FMN1: variants seen among roughly 807,000 people sequenced by gnomAD.
FMN1 encodes the protein formin-1.
FMN1 carries 110 observed loss-of-function variants against 132.4 expected under a neutral mutation model. That is an observed-to-expected ratio of 0.83 (90% CI 0.71 to 0.97). The LOEUF (loss-of-function observed/expected upper bound fraction) is 0.97, where lower values mean the gene tolerates loss of function less well. Among genes scored for constraint, FMN1 ranks in the 50% least tolerant of loss-of-function variants. The probability of loss-of-function intolerance (pLI) is 0.00; values close to 1 mark genes in which losing one functional copy is unlikely to be tolerated. For synonymous variants in FMN1, 722 were observed against 651.7 expected (o/e 1.11, Z -1.64); for missense variants, 1,792 against 1,705.3 (o/e 1.05, Z -0.90).
At chr15:33,097,367 G>C (rs2039128555) in intron 4 of FMN1, among the ~76,000 whole-genome samples, 3 of 150,280 alleles carry the variant, frequency 2.0e-5, no homozygotes. Flanking sequence ...ACTTAAAGAA[G>C]TATTGGCTTC....
intron 7 of FMN1, among the ~76,000 whole-genome samples, chr15:32,983,594 A>AGT (rs2032851695): frequency 6.6e-6 from 1 of 152,248 alleles, no homozygotes; most frequent in Non-Finnish European, 1.5e-5. Flanking sequence ...TTGTAAAATA[A>AGT]GTGAACACTA....
At chr15:32,941,111 T>C (rs1353512553) in intron 9 of FMN1, among the ~76,000 whole-genome samples, 1 of 152,094 alleles carries the variant, frequency 6.6e-6, no homozygotes, top group Non-Finnish European at 1.5e-5. Flanking sequence ...ATAATATGAA[T>C]GTCAAAATAA....
intron 7 of FMN1, among the ~76,000 whole-genome samples, chr15:32,992,264 C>T (rs2033480237): frequency 6.6e-6 from 1 of 152,138 alleles, no homozygotes; most frequent in Non-Finnish European, 1.5e-5. Flanking sequence ...AATAATGGTC[C>T]TGTATTGTAT....
intron 4 of FMN1, among the ~76,000 whole-genome samples, chr15:33,095,345 C>CA (rs34796141): frequency 0.018 from 2,727 of 150,442 alleles, 36 homozygotes; most frequent in Middle Eastern, 0.027. Flanking sequence ...AAGACTGTCT[C>CA]AAAAAAAACA....
intron 4 of FMN1, among the ~76,000 whole-genome samples, chr15:33,125,608 G>A (rs1415012471): frequency 1.3e-5 from 2 of 152,110 alleles, no homozygotes. Flanking sequence ...GGAAGGCCAA[G>A]GCGGGCAGAT....
chr15:32,961,087 T>TGA (rs1446940805), intron 9 of FMN1, among the ~76,000 whole-genome samples: 1 of 150,518 alleles, frequency 6.6e-6, no homozygotes, highest in African/African-American at 2.4e-5. Flanking sequence ...TGCTTAGATG[T>TGA]GAATTTCACA....
intron 6 of FMN1, among the ~76,000 whole-genome samples, chr15:33,032,849 T>A (rs1566847688): frequency 1.3e-5 from 2 of 152,062 alleles, no homozygotes; most frequent in African/African-American, 4.8e-5. Context: ...CTGGGGGGGT[T>A]ATTTTACTAC....
intron 10 of FMN1, among the ~76,000 whole-genome samples, chr15:32,922,968 T>C (rs1294146051): frequency 1.3e-5 from 2 of 152,172 alleles, no homozygotes; most frequent in African/African-American, 4.8e-5. Flanking sequence ...GAGAAAACAA[T>C]CAATAAATGT....
chr15:32,908,437 C>G, intron 12 of FMN1, 53 bp downstream of exon 12: 2 of 1,174,306 alleles, frequency 1.7e-6, no homozygotes, highest in Non-Finnish European at 2.5e-6. Context: ...GACAAGAAGA[C>G]AGAAATTGCA....
At chr15:32,863,017 T>C (rs1428197998) in intron 16 of FMN1, among the ~76,000 whole-genome samples, 4 of 152,102 alleles carry the variant, frequency 2.6e-5, no homozygotes, top group East Asian at 2.0e-4. Context: ...CAGCAACATA[T>C]GGAATTTTTT....
intron 8 of FMN1, 111 bp from the exon 9 acceptor site, chr15:32,964,368 A>C: frequency 2.5e-6 from 2 of 786,820 alleles, no homozygotes; most frequent in South Asian, 4.6e-5. Context: ...AAAAAAACAC[A>C]TAAAACTCTA....
rs1555503210 is a variant in FMN1, at chr15:32,950,022, T to TATATATACAC, written c.3138+14084_3138+14085insGTGTATATAT. Among the ~76,000 whole-genome samples, 6 of 3,360 alleles carry TATATATACAC rather than the reference T, an allele frequency of 1.8e-3. 1 individual carries two copies. The highest frequency in any genetic ancestry group is 0.053 in the South Asian group (2 of 38). The allele number at this position is 3,360 out of a possible 152,430, so 2.2% of individuals were successfully genotyped here. A position where few individuals can be genotyped will look rare whatever the true frequency, so the allele number is the denominator to read the frequency against. On this transcript the variant is annotated intron_variant, in intron 9 of 20. Transcript: ENST00000616417. ...ACATACACATATATATATACACATATATATATATATACACATATATATATA... is the reference window on the plus strand; with the variant it reads ...ACATACACATATATATATACACATATATATATACACATATATATATACACATATATATATA...
At chr15:32,874,837 C>T (rs1392076975) in intron 16 of FMN1, among the ~76,000 whole-genome samples, 1 of 105,076 alleles carries the variant, frequency 9.5e-6, no homozygotes, top group Non-Finnish European at 2.1e-5. Flanking sequence ...GTCTCGTATT[C>T]TGTAGTTTTT....
At chr15:32,961,466 G>C (rs1258075359) in intron 9 of FMN1, among the ~76,000 whole-genome samples, 1 of 152,036 alleles carries the variant, frequency 6.6e-6, no homozygotes, top group Non-Finnish European at 1.5e-5. Context: ...GGGAAAATAC[G>C]ACAAGGAAGA....
chr15:32,900,327 C>G, intron 13 of FMN1: 1 of 702,120 alleles, frequency 1.4e-6, no homozygotes, highest in Non-Finnish European at 2.6e-6. Flanking sequence ...TTTCTACCCA[C>G]TCAAATTAAT....
intron 4 of FMN1, among the ~76,000 whole-genome samples, chr15:33,113,710 T>A (rs892821062): frequency 6.6e-6 from 1 of 152,124 alleles, no homozygotes; most frequent in African/African-American, 2.4e-5. Context: ...GGGCCCCACG[T>A]TGAACACTGT....
At position 33,127,966 on chromosome 15, in the gene FMN1, G is replaced by A. The variant is rs116188662; in HGVS notation, c.1867+25082C>T. ...AACAGGACAGGAGAAAGGAAAGAAA[G>A]GGGAAAGGAAGGTAACAGAAGGGCA... On this transcript the variant is annotated intron_variant, in intron 4 of 20. Coordinates refer to ENST00000616417, the MANE Select transcript of FMN1 (RefSeq NM_001277313.2). Among the ~76,000 whole-genome samples, 1,042 of 152,102 alleles carry A rather than the reference G, an allele frequency of 6.9e-3. 15 individuals carry two copies. Among genetic ancestry groups the A allele is most frequent in the African/African-American group, 0.024 (984 of 41,518 alleles).
chr15:32,974,898 T>C (rs955594022), intron 7 of FMN1, among the ~76,000 whole-genome samples: 1 of 152,216 alleles, frequency 6.6e-6, no homozygotes, highest in African/African-American at 2.4e-5. Flanking sequence ...ATTGTCTAGA[T>C]TGAGAATAGT....
chr15:33,097,969 T>C (rs988185031), intron 4 of FMN1, among the ~76,000 whole-genome samples: 8 of 152,178 alleles, frequency 5.3e-5, no homozygotes, highest in Non-Finnish European at 7.3e-5. Context: ...CAAGTACATA[T>C]GGAATTTATC....
Sources: gnomAD v4.1 joint callset for allele counts (sites outside exome capture counted in the v4.1 genomes callset) on GRCh38, gnomAD v4.1.1 for gene constraint, MANE v1.5 for transcripts, NCBI Gene and HGNC (gene_info 2026-07-23, HGNC 2026-07-21) for gene names.